The following TDRD3 variants were observed in gnomAD, a reference collection of about 807,000 sequenced individuals.
The protein encoded by TDRD3 is tudor domain containing 3, also known as tudor domain-containing protein 3.
Under a neutral mutation model 86.7 loss-of-function variants are expected in TDRD3, and 45 were observed. That is an observed-to-expected ratio of 0.52 (90% CI 0.41 to 0.67). TDRD3 has a LOEUF of 0.67. Ranked by LOEUF, TDRD3 falls within the 30% of genes least tolerant of loss-of-function variation. The probability of loss-of-function intolerance (pLI) is 0.00; values close to 1 mark genes in which losing one functional copy is unlikely to be tolerated. For synonymous variants in TDRD3, 298 were observed against 301.7 expected (o/e 0.99, Z 0.13); for missense variants, 814 against 889.0 (o/e 0.92, Z 1.07).
chr13:60,409,738 G>A (rs1319540135), intron 1 of TDRD3, among the ~76,000 whole-genome samples: 1 of 152,174 alleles, frequency 6.6e-6, no homozygotes. Flanking sequence ...GCTCATAGGT[G>A]GAAGGGACTT....
chr13:60,402,792 G>T (rs185966266), intron 1 of TDRD3, among the ~76,000 whole-genome samples: 99 of 148,798 alleles, frequency 6.7e-4, no homozygotes, highest in African/African-American at 2.3e-3. Context: ...CCACCTCCCA[G>T]GTTCTCCTGC....
At chr13:60,530,498 T>C (rs1957556206) in intron 11 of TDRD3, among the ~76,000 whole-genome samples, 1 of 152,002 alleles carries the variant, frequency 6.6e-6, no homozygotes, top group Non-Finnish European at 1.5e-5. Flanking sequence ...TGGAGTGCAA[T>C]GGCATGATGT....
intron 1 of TDRD3, among the ~76,000 whole-genome samples, chr13:60,432,327 A>G (rs551665914): frequency 6.6e-6 from 1 of 152,216 alleles, no homozygotes; most frequent in Non-Finnish European, 1.5e-5. Context: ...TTTTATTTTT[A>G]ACAGGTTATC....
intron 13 of TDRD3, among the ~76,000 whole-genome samples, chr13:60,571,566 T>C (rs1057065834): frequency 3.9e-5 from 6 of 152,152 alleles, no homozygotes; most frequent in African/African-American, 1.2e-4. Context: ...CAGTCATAGG[T>C]TTTCTTTTTA....
At chr13:60,512,353 A>G (rs1200040024) in intron 10 of TDRD3, among the ~76,000 whole-genome samples, 2 of 152,088 alleles carry the variant, frequency 1.3e-5, no homozygotes, top group Admixed American at 1.3e-4. Flanking sequence ...TTGGGTGGGG[A>G]CACAGCCAAA....
Position 60,443,640 on chromosome 13 carries a change from A to G in TDRD3, c.127-1043A>G, listed in dbSNP as rs1317389411. ...AAAGAAGATGGTCCTGCCCCTCTGT[A>G]TGTATTCATTTCACATCACAGTAAT... On this transcript the variant is annotated intron_variant, in intron 2 of 13. Coordinates refer to ENST00000377881, the MANE Select transcript of TDRD3 (RefSeq NM_001146070.2). Among the ~76,000 whole-genome samples the G allele has an allele frequency of 1.1e-4, 16 of 152,052 alleles. 1 individual carries two copies. In the South Asian group the frequency reaches 3.3e-3, roughly 32 times the overall value.
intron 1 of TDRD3, chr13:60,434,127 G>A (rs1202737561): frequency 6.6e-6 from 1 of 152,090 alleles, no homozygotes; most frequent in Non-Finnish European, 1.5e-5. Flanking sequence ...CTCATAAATA[G>A]AAGCATTTAC....
Position 60,573,683 on chromosome 13 carries a change from T to C in TDRD3, c.*77T>C, listed in dbSNP as rs17058237. 2,011 of 981,192 alleles carry C rather than the reference T, an allele frequency of 2.0e-3. 21 individuals carry two copies. In the African/African-American group the frequency reaches 0.032, roughly 16 times the overall value. The allele number at this position is 981,192 out of a possible 1,614,324, so 60.8% of individuals were successfully genotyped here. On this transcript the variant is annotated 3_prime_UTR_variant, in exon 14 of 14. Transcript: ENST00000377881. ...GGAAACCTGTTGACAGACCTTCCAC[T>C]TTCTCTTCAGAATAAGTAGCTGTGG...
intron 1 of TDRD3, 69 bp downstream of exon 1, chr13:60,397,474 G>A: frequency 1.5e-6 from 2 of 1,339,292 alleles, no homozygotes; most frequent in South Asian, 3.1e-5. Flanking sequence ...GTTGGGTTGG[G>A]GGCGGCGGGG....
chr13:60,483,375 T>C (rs1956359297), intron 5 of TDRD3, among the ~76,000 whole-genome samples: 1 of 152,134 alleles, frequency 6.6e-6, no homozygotes, highest in Admixed American at 6.5e-5. Context: ...AACTAATAAA[T>C]TTGGTGTCTA....
At position 60,445,048 on chromosome 13, in the gene TDRD3, T is replaced by C. The variant is rs544200756; in HGVS notation, c.192+300T>C. 2.9e-3 allele frequency among the ~76,000 whole-genome samples: 443 copies of C among 152,288 alleles called. 2 individuals are homozygous for C. Among genetic ancestry groups the C allele is most frequent in the African/African-American group, 0.01 (429 of 41,572 alleles). On this transcript the variant is annotated intron_variant, in intron 3 of 13. Transcript: ENST00000377881. The stretch of plus-strand genomic sequence containing the variant: ...AATTGGCACTCATTACAATGACCTT[T>C]TCTTACCTTTCAATTTTATTTACCT...
chr13:60,528,461 T>G lies in TDRD3; in HGVS notation c.1236T>G (p.His412Gln). 1 of 1,613,902 alleles carries G rather than the reference T, an allele frequency of 6.2e-7. No homozygotes were observed. Among genetic ancestry groups the G allele is most frequent in the Non-Finnish European group, 8.5e-7 (1 of 1,179,948 alleles). ...TAAAAGATAATAATCATCTGAGACA[T>G]CCTCCTCGAAATGATACCAGGCAGC... ...NGVKDNNHLR[H>Q]PPRNDTRQPR... The change falls in exon 11 of 14, where the codon CAT becomes CAG. Residue 412 changes from histidine to glutamine, a missense_variant. Transcript: ENST00000377881.
At chr13:60,426,293 A>G (rs1954806041) in intron 1 of TDRD3, among the ~76,000 whole-genome samples, 1 of 152,162 alleles carries the variant, frequency 6.6e-6, no homozygotes, top group Non-Finnish European at 1.5e-5. Flanking sequence ...AGGGCAGAGG[A>G]AATGGGGAGA....
At chr13:60,483,912 C>A in intron 6 of TDRD3, 66 bp downstream of exon 6, 1 of 1,480,368 alleles carries the variant, frequency 6.8e-7, no homozygotes, top group Non-Finnish European at 9.4e-7. Context: ...AGCATTCAAG[C>A]TGTGTTTCAT....
At chr13:60,404,662 TG>T (rs1022616477) in intron 1 of TDRD3, among the ~76,000 whole-genome samples, 3 of 152,138 alleles carry the variant, frequency 2.0e-5, no homozygotes, top group African/African-American at 7.2e-5. Context: ...TGGAGTGCAG[TG>T]GCATGATCTT....
intron 1 of TDRD3, among the ~76,000 whole-genome samples, chr13:60,433,234 A>G (rs781267773): frequency 6.6e-6 from 1 of 152,236 alleles, no homozygotes; most frequent in Non-Finnish European, 1.5e-5. Context: ...AGTGGGTAAA[A>G]GAGAATAAAA....
Position 60,464,575 on chromosome 13 carries a change from C to G in TDRD3, c.354-2663C>G, listed in dbSNP as rs2138069985. The stretch of plus-strand genomic sequence containing the variant: ...GTATATGTGTGTGTATACACATACA[C>G]ACACACACATACACACACACACACA... On this transcript the variant is annotated intron_variant, in intron 4 of 13. Coordinates refer to ENST00000377881, the MANE Select transcript of TDRD3 (RefSeq NM_001146070.2). Among the ~76,000 whole-genome samples, 3 of 148,782 alleles carry G rather than the reference C, an allele frequency of 2.0e-5. 1 individual carries two copies. In the South Asian group the frequency reaches 6.2e-4, roughly 31 times the overall value.
chr13:60,571,031 CT>C (rs1354637768), intron 13 of TDRD3, among the ~76,000 whole-genome samples: 1 of 151,988 alleles, frequency 6.6e-6, no homozygotes, highest in Non-Finnish European at 1.5e-5. Flanking sequence ...AAAATGCTTG[CT>C]TTGGATTGTA....
chr13:60,455,416 G>C (rs1356884982), intron 3 of TDRD3, among the ~76,000 whole-genome samples: 1 of 151,956 alleles, frequency 6.6e-6, no homozygotes, highest in Non-Finnish European at 1.5e-5. Flanking sequence ...TGGGCCTTAA[G>C]GTAAAGATGT....
Sources: gnomAD v4.1 joint callset for allele counts (sites outside exome capture counted in the v4.1 genomes callset) on GRCh38, gnomAD v4.1.1 for gene constraint, MANE v1.5 for transcripts, NCBI Gene and HGNC (gene_info 2026-07-23, HGNC 2026-07-21) for gene names.